GALNT13: variants seen among roughly 807,000 people sequenced by gnomAD.
GALNT13 encodes UDP-GalNAc:polypeptide N-acetylgalactosaminyltransferase 13.
GALNT13 carries 28 observed loss-of-function variants against 64.2 expected under a neutral mutation model. The ratio of observed to expected loss-of-function variants is 0.44; its 90% confidence interval spans 0.32 to 0.60. GALNT13 has a LOEUF of 0.60. Ranked by LOEUF, GALNT13 falls within the 20% of genes least tolerant of loss-of-function variation. The pLI is 0.05. For synonymous variants in GALNT13, 214 were observed against 224.6 expected, an observed-to-expected ratio of 0.95 and a Z score of 0.42; for missense variants, 577 against 669.8, an observed-to-expected ratio of 0.86 and a Z score of 1.53.
chr2:153,717,294 A>T, the GALNT13 span, among the ~76,000 whole-genome samples: 1 of 152,210 alleles, frequency 6.6e-6, no homozygotes, highest in Non-Finnish European at 1.5e-5. Flanking sequence ...TTTCACTTCC[A>T]TTCTGCAGGG....
the GALNT13 span, among the ~76,000 whole-genome samples, chr2:153,194,439 G>T: frequency 3.9e-5 from 6 of 152,130 alleles, no homozygotes; most frequent in East Asian, 1.2e-3. Context: ...CAGGATTTCT[G>T]TTTGGTTCTT....
At chr2:153,539,194 T>G in the GALNT13 span, among the ~76,000 whole-genome samples, 3 of 152,172 alleles carry the variant, frequency 2.0e-5, no homozygotes, top group East Asian at 5.8e-4. Flanking sequence ...TATCTTCTTT[T>G]GAGAAGTGTC....
At chr2:154,028,054 T>A (rs753607449) in intron 3 of GALNT13, among the ~76,000 whole-genome samples, 1 of 152,140 alleles carries the variant, frequency 6.6e-6, no homozygotes, top group Admixed American at 6.6e-5. Context: ...GCTGCGACTG[T>A]AGAGCACTAT....
At chr2:154,217,950 G>A (rs1688134024) in intron 4 of GALNT13, among the ~76,000 whole-genome samples, 1 of 152,088 alleles carries the variant, frequency 6.6e-6, no homozygotes. Context: ...GGGTCTAGGA[G>A]GCTTAAATGA....
In GALNT13 at chr2:154,181,126, A is replaced by G. The variant is rs139049203; in HGVS notation, c.311+40621A>G. 5.9e-5 allele frequency among the ~76,000 whole-genome samples: 9 copies of G among 152,256 alleles called. No individual in the cohort carries two copies. The East Asian group carries it at 9.7e-4, about 16-fold the overall frequency. On this transcript the variant is annotated intron_variant, in intron 4 of 12. Coordinates refer to ENST00000392825, the MANE Select transcript of GALNT13 (RefSeq NM_052917.4). ...ACTGCATTCCTAGAACCAATTTCCC[A>G]TTGATACCAAGGAATGACTATATTG...
the GALNT13 span, among the ~76,000 whole-genome samples, chr2:153,621,471 A>G: frequency 6.6e-6 from 1 of 152,086 alleles, no homozygotes. Context: ...TGTTCACTCA[A>G]GTAACTGGAA....
chr2:153,509,724 C>G, the GALNT13 span, among the ~76,000 whole-genome samples: 1 of 152,202 alleles, frequency 6.6e-6, no homozygotes, highest in Non-Finnish European at 1.5e-5. Flanking sequence ...CTAATTACAA[C>G]TACTTTCTTC....
intron 3 of GALNT13, among the ~76,000 whole-genome samples, chr2:154,124,533 AT>A (rs1682142765): frequency 6.6e-6 from 1 of 151,952 alleles, no homozygotes; most frequent in Admixed American, 6.6e-5. Flanking sequence ...AGATATTTTG[AT>A]TTTTTGATGC....
the GALNT13 span, among the ~76,000 whole-genome samples, chr2:153,209,729 G>A: frequency 6.6e-6 from 1 of 152,000 alleles, no homozygotes; most frequent in Admixed American, 6.5e-5. Context: ...GATTAGAATT[G>A]CATTAACTTT....
intron 8 of GALNT13, among the ~76,000 whole-genome samples, chr2:154,268,954 C>T (rs1691173329): frequency 6.6e-6 from 1 of 152,064 alleles, no homozygotes; most frequent in Admixed American, 6.6e-5. Context: ...GAATTTACTT[C>T]AAGTACCCCA....
At chr2:154,185,803 T>C (rs1426609928) in intron 4 of GALNT13, among the ~76,000 whole-genome samples, 1 of 152,044 alleles carries the variant, frequency 6.6e-6, no homozygotes. Flanking sequence ...TTCTAAATGA[T>C]TACCTACAAT....
chr2:154,086,191 A>C (rs1701514601), intron 3 of GALNT13, among the ~76,000 whole-genome samples: 1 of 148,286 alleles, frequency 6.7e-6, no homozygotes, highest in South Asian at 2.1e-4. Flanking sequence ...AATATGTATA[A>C]CATTTTCTAT....
the GALNT13 span, among the ~76,000 whole-genome samples, chr2:153,698,794 G>C: frequency 1.6e-4 from 25 of 152,180 alleles, no homozygotes; most frequent in Non-Finnish European, 3.5e-4. Flanking sequence ...ATTCTTCTCA[G>C]TGTTACATGG....
the GALNT13 span, among the ~76,000 whole-genome samples, chr2:153,814,613 G>C: frequency 6.6e-6 from 1 of 152,112 alleles, no homozygotes; most frequent in Admixed American, 6.5e-5. Flanking sequence ...TGTAGGACGG[G>C]AGCTACCATT....
At chr2:153,140,173 A>G in the GALNT13 span, among the ~76,000 whole-genome samples, 1 of 152,080 alleles carries the variant, frequency 6.6e-6, no homozygotes, top group Admixed American at 6.6e-5. Flanking sequence ...GGAAATGATA[A>G]TAGTCATTAA....
the GALNT13 span, among the ~76,000 whole-genome samples, chr2:153,628,430 C>G: frequency 2.0e-5 from 3 of 152,042 alleles, no homozygotes; most frequent in Non-Finnish European, 4.4e-5. Context: ...TGCCCGTTTT[C>G]AAAGGGAATG....
At chr2:153,115,589 T>C in the GALNT13 span, among the ~76,000 whole-genome samples, 9 of 152,138 alleles carry the variant, frequency 5.9e-5, no homozygotes, top group African/African-American at 1.9e-4. Flanking sequence ...GAATCAGAAG[T>C]CATTCATGAT....
the GALNT13 span, among the ~76,000 whole-genome samples, chr2:153,530,592 G>C: frequency 7.2e-5 from 11 of 151,998 alleles, no homozygotes; most frequent in African/African-American, 2.7e-4. Context: ...AACAAAACTG[G>C]AGCAATCACA....
At chr2:153,309,857 G>A in the GALNT13 span, among the ~76,000 whole-genome samples, 1 of 152,182 alleles carries the variant, frequency 6.6e-6, no homozygotes, top group Middle Eastern at 3.4e-3. Context: ...ACACTTATCT[G>A]AAAGCCAGAC....
Sources: allele counts gnomAD v4.1 joint callset (sites outside exome capture counted in the v4.1 genomes callset), GRCh38; gene constraint gnomAD v4.1.1; transcripts MANE v1.5; gene names NCBI Gene and HGNC (gene_info 2026-07-23, HGNC 2026-07-21).